The following ATP5MC3 variants were observed in gnomAD, a reference collection of about 807,000 sequenced individuals.
The protein encoded by ATP5MC3 is ATP synthase membrane subunit c locus 3, also known as ATP synthase F(0) complex subunit C3, mitochondrial.
A neutral mutation model predicts 15.6 loss-of-function variants in ATP5MC3; 6 were observed. The observed-to-expected ratio is 0.38, with a 90% CI of 0.21 to 0.76. ATP5MC3 has a LOEUF of 0.76. Among genes scored for constraint, ATP5MC3 ranks in the 30% least tolerant of loss-of-function variants. The pLI is 0.44. For missense variants in ATP5MC3, 132 were observed against 171.2 expected (o/e 0.77, Z 1.28); for synonymous variants, 66 against 63.3 (o/e 1.04, Z -0.20).
chr2:175,179,277 G>A, intron 3 of ATP5MC3, 27 bp from the exon 4 acceptor site: 5 of 1,575,438 alleles, frequency 3.2e-6, no homozygotes, highest in Non-Finnish European at 4.3e-6. Context: ...AAAGGTAAAG[G>A]TCGTATCAGT....
rs958507662 is a variant in ATP5MC3, at chr2:175,178,217, G to A, written c.*71C>T. The A allele has an allele frequency of 1.5e-5, 23 of 1,538,108 alleles. No individual in the cohort carries two copies. Among genetic ancestry groups the A allele is most frequent in the Admixed American group, 2.2e-5 (1 of 44,858 alleles). ...CCATGACACCAATACTACAGTTTTC[G>A]GAGTCACAGTAAGATACACAGAATT... On this transcript the variant is annotated 3_prime_UTR_variant, in exon 5 of 5. Transcript: ENST00000284727.
chr2:175,178,715 C>G (rs1700724564), intron 4 of ATP5MC3: 1 of 1,152,868 alleles, frequency 8.7e-7, no homozygotes, highest in Non-Finnish European at 1.1e-6. Flanking sequence ...ATAAATTGAT[C>G]CTTTTAAGGA....
chr2:175,181,258 G>A lies in ATP5MC3; in HGVS notation c.39+97C>T, dbSNP rs551727050. The A allele has an allele frequency of 4.9e-6, 7 of 1,432,962 alleles. No individual in the cohort carries two copies. The African/African-American group carries it at 8.5e-5, about 17-fold the overall frequency. 88.8% of individuals were successfully genotyped at this position (1,432,962 alleles called of 1,614,324 possible). A position where few individuals can be genotyped will look rare whatever the true frequency, so the allele number is the denominator to read the frequency against. ...GGAGAAAGCCGTTCCCGAGAGGGCG[G>A]TGTGCCCCGCCCGAAGGTTGCCCCA... On this transcript the variant is annotated intron_variant, in intron 2 of 4. Transcript: ENST00000284727.
chr2:175,181,200 T>A (rs891956151), intron 2 of ATP5MC3, among the ~76,000 whole-genome samples, 155 bp downstream of exon 2: 5 of 152,168 alleles, frequency 3.3e-5, no homozygotes, highest in African/African-American at 1.2e-4. Context: ...TGCCCTAAGA[T>A]TAGGAAGAAA....
intron 1 of ATP5MC3, 42 bp from the exon 2 acceptor site, chr2:175,181,508 G>T (rs1272003026): frequency 3.0e-6 from 4 of 1,331,284 alleles, no homozygotes; most frequent in South Asian, 2.8e-5. Flanking sequence ...CCCTCCAGGG[G>T]CCTGTTCTTC....
chr2:175,181,162 C>T (rs1362744685), intron 2 of ATP5MC3, among the ~76,000 whole-genome samples, 193 bp downstream of exon 2: 1 of 152,240 alleles, frequency 6.6e-6, no homozygotes, highest in East Asian at 1.9e-4. Context: ...TGCTCTGCCT[C>T]GCCCTAGTGG....
rs2105412043 is a variant in ATP5MC3 at position 175,177,001 on chromosome 2, A to T, written c.*1287T>A. On this transcript the variant is annotated 3_prime_UTR_variant, in exon 5 of 5. Coordinates refer to ENST00000284727, the MANE Select transcript of ATP5MC3 (RefSeq NM_001689.5). ...TTTGGGTGATATAGACTAGATGATG[A>T]ATCAACTAAAAACGAGGTAGCAGCT... 1 of 152,276 alleles carries T rather than the reference A, an allele frequency of 6.6e-6. No homozygotes were observed. 9.4% of individuals were successfully genotyped at this position (152,276 alleles called of 1,614,324 possible). A position where few individuals can be genotyped will look rare whatever the true frequency, so the allele number is the denominator to read the frequency against.
rs1483259523 is a variant in ATP5MC3, at chr2:175,176,817, T to C, written c.*1471A>G. Reference sequence around the variant, plus strand: ...CTATTCATTATGTATCAGTGCCTCATTCCTTTTCATGGCTGAATATTCCAT... The same window carrying C: ...CTATTCATTATGTATCAGTGCCTCACTCCTTTTCATGGCTGAATATTCCAT... On this transcript the variant is annotated 3_prime_UTR_variant, in exon 5 of 5. Coordinates refer to ENST00000284727, the MANE Select transcript of ATP5MC3 (RefSeq NM_001689.5). 1 of 152,244 alleles carries C rather than the reference T, an allele frequency of 6.6e-6. No homozygotes were observed. The highest frequency in any genetic ancestry group is 1.5e-5 in the Non-Finnish European group (1 of 68,044). The allele number at this position is 152,244 out of a possible 1,614,324, so 9.4% of individuals were successfully genotyped here. A position where few individuals can be genotyped will look rare whatever the true frequency, so the allele number is the denominator to read the frequency against.
At position 175,176,937 on chromosome 2, in the gene ATP5MC3, T is replaced by C. The variant is rs1055273357; in HGVS notation, c.*1351A>G. 3.3e-5 allele frequency: 5 copies of C among 152,186 alleles called. No individual in the cohort carries two copies. Among genetic ancestry groups the C allele is most frequent in the Non-Finnish European group, 7.4e-5 (5 of 68,022 alleles). 9.4% of individuals were successfully genotyped at this position (152,186 alleles called of 1,614,324 possible). On this transcript the variant is annotated 3_prime_UTR_variant, in exon 5 of 5. Transcript: ENST00000284727. ...TGTAAGTAGTGCTTCTATGAATACT[T>C]GTATACAGGTTTTTGTTTGAATACC...
Position 175,181,354 on chromosome 2 carries a change from C to A in ATP5MC3, c.39+1G>T. 1 of 1,613,660 alleles carries A rather than the reference C, an allele frequency of 6.2e-7. No homozygotes were observed. Among genetic ancestry groups the A allele is most frequent in the Non-Finnish European group, 8.5e-7 (1 of 1,179,828 alleles). Reference sequence around the variant, plus strand: ...CCCCCGACCCTGCCTGGGCTACGCACCAGAGAGGGGGTGCAGGCGAGCTTG... The same window carrying A: ...CCCCCGACCCTGCCTGGGCTACGCAACAGAGAGGGGGTGCAGGCGAGCTTG... On this transcript the variant is annotated splice_donor_variant, in intron 2 of 4. Coordinates refer to ENST00000284727, the MANE Select transcript of ATP5MC3 (RefSeq NM_001689.5). LOFTEE classifies it high-confidence loss of function.
Position 175,178,317 on chromosome 2 carries a change from C to T in ATP5MC3, c.400G>A (p.Val134Ile). The T allele has an allele frequency of 6.2e-7, 1 of 1,610,598 alleles. No individual in the cohort carries two copies. The highest frequency in any genetic ancestry group is 1.1e-5 in the South Asian group (1 of 90,112). ...ATGGCAAACAAAATCAAGAAAGCAACCATCAAACAAAAGAGACCCATAGCT... is the reference window on the plus strand; with the variant it reads ...ATGGCAAACAAAATCAAGAAAGCAATCATCAAACAAAAGAGACCCATAGCT... ...SEAMGLFCLM[V>I]AFLILFAM The change falls in exon 5 of 5, where the codon GTT (valine) becomes ATT (isoleucine). Residue 134 changes from valine (V) to isoleucine (I), a missense_variant. By Grantham distance (29) the Val-to-Ile change is conservative. Transcript: ENST00000284727.
Position 175,178,095 on chromosome 2 carries a change from C to T in ATP5MC3, c.*193G>A, listed in dbSNP as rs370822498. ...GACAGCATCTGCCTGAATGCACGTT[C>T]TTCTTTGTGATAATCTAAACTTAGT... is the stretch of plus-strand genomic sequence containing the variant. On this transcript the variant is annotated 3_prime_UTR_variant, in exon 5 of 5. Coordinates refer to ENST00000284727, the MANE Select transcript of ATP5MC3 (RefSeq NM_001689.5). The T allele has an allele frequency of 1.7e-6, 2 of 1,152,522 alleles. No homozygotes were observed. The allele number at this position is 1,152,522 out of a possible 1,614,324, so 71.4% of individuals were successfully genotyped here. A position where few individuals can be genotyped will look rare whatever the true frequency, so the allele number is the denominator to read the frequency against.
rs941257840 is a variant in ATP5MC3, at chr2:175,181,666, G to A, written c.-84C>T. ...GTGCCCTCCACTTACCTTCCCAGGA[G>A]GCGGCGGCGGCACGGGCTGCGGCAG... is the stretch of plus-strand genomic sequence containing the variant. On this transcript the variant is annotated 5_prime_UTR_variant, in exon 1 of 5. Transcript: ENST00000284727. The A allele has an allele frequency of 2.1e-5, 10 of 476,234 alleles. No individual in the cohort carries two copies. Among genetic ancestry groups the A allele is most frequent in the Admixed American group, 4.0e-5 (1 of 24,858 alleles). 29.5% of individuals were successfully genotyped at this position (476,234 alleles called of 1,614,324 possible). A position where few individuals can be genotyped will look rare whatever the true frequency, so the allele number is the denominator to read the frequency against.
At chr2:175,179,322 T>G in intron 3 of ATP5MC3, 72 bp from the exon 4 acceptor site, 1 of 1,487,396 alleles carries the variant, frequency 6.7e-7, no homozygotes, top group Non-Finnish European at 9.0e-7. Context: ...AATACCATAT[T>G]GTCAAAATGA....
chr2:175,178,063 T>C lies in ATP5MC3; in HGVS notation c.*225A>G. ...GTGGAGCAACTGCTGTAGCTTCCTC[T>C]GAATGGGACAGCATCTGCCTGAATG... is the stretch of plus-strand genomic sequence containing the variant. On this transcript the variant is annotated 3_prime_UTR_variant, in exon 5 of 5. Transcript: ENST00000284727. 2 of 700,772 alleles carry C rather than the reference T, an allele frequency of 2.9e-6. No homozygotes were observed. Among genetic ancestry groups the C allele is most frequent in the Non-Finnish European group, 4.0e-6 (2 of 501,040 alleles). The allele number at this position is 700,772 out of a possible 1,614,324, so 43.4% of individuals were successfully genotyped here.
At chr2:175,179,927 C>T in intron 3 of ATP5MC3, 171 bp downstream of exon 3, 1 of 548,408 alleles carries the variant, frequency 1.8e-6, no homozygotes, top group Non-Finnish European at 3.1e-6. Flanking sequence ...CTATTCGTCT[C>T]ATCTAGTTTT....
In ATP5MC3 at chr2:175,176,430, CATTT is replaced by C. The variant is rs1440717320; in HGVS notation, c.*1854_*1857del. ...CACCTTAAAGTGTACAATTCAGTGA[CATTT>C]ATTATATTTACAATGTTGTGCAACC... On this transcript the variant is annotated 3_prime_UTR_variant, in exon 5 of 5. Coordinates refer to ENST00000284727, the MANE Select transcript of ATP5MC3 (RefSeq NM_001689.5). 4 of 152,102 alleles carry C rather than the reference CATTT, an allele frequency of 2.6e-5. No homozygotes were observed. The highest frequency in any genetic ancestry group is 9.7e-5 in the African/African-American group (4 of 41,402). The allele number at this position is 152,102 out of a possible 1,614,324, so 9.4% of individuals were successfully genotyped here.
intron 3 of ATP5MC3, chr2:175,179,704 T>C (rs1700740931): frequency 1.4e-5 from 3 of 209,674 alleles, no homozygotes; most frequent in Admixed American, 1.1e-4. Flanking sequence ...AGGATCTTAC[T>C]ATGTGGCCCA....
In ATP5MC3 at chr2:175,181,410, C is replaced by T. The variant is rs368357116; in HGVS notation, c.-17G>A. On this transcript the variant is annotated 5_prime_UTR_variant, in exon 2 of 5. Transcript: ENST00000284727. ...GGCGAACATCTTACACTCTTCGGGA[C>T]TGCGCGGCTGGAGATATTGGGTGAC... 2.2e-5 allele frequency: 35 copies of T among 1,613,322 alleles called. No individual in the cohort carries two copies. Among genetic ancestry groups the T allele is most frequent in the Non-Finnish European group, 3.0e-5 (35 of 1,179,742 alleles).
Sources: allele counts gnomAD v4.1 joint callset (sites outside exome capture counted in the v4.1 genomes callset), GRCh38; gene constraint gnomAD v4.1.1; transcripts MANE v1.5; gene names NCBI Gene and HGNC (gene_info 2026-07-23, HGNC 2026-07-21).